The following FRAS1 variants were observed in gnomAD, a reference collection of about 807,000 sequenced individuals.
FRAS1 encodes the protein extracellular matrix organizing protein FRAS1.
FRAS1 carries 290 observed loss-of-function variants against 435.2 expected under a neutral mutation model. The ratio of observed to expected loss-of-function variants is 0.67; its 90% CI spans 0.61 to 0.73. FRAS1 has a LOEUF of 0.73. Ranked by LOEUF, FRAS1 falls within the 30% of genes least tolerant of loss-of-function variation. The pLI is 0.00. For synonymous variants in FRAS1, 1,800 were observed against 1,851.0 expected (o/e 0.97, Z 0.71); for missense variants, 4,860 against 5,001.5 (o/e 0.97, Z 0.85).
chr4:78,216,616 T>C lies in FRAS1; in HGVS notation c.109-20894T>C, dbSNP rs1330274356. ...CACAGATATCTGCAGTTGTGGGCCC[T>C]GGCAGTTCAGCAGTAAACCGTTCTT... is the stretch of plus-strand genomic sequence containing the variant. On this transcript the variant is annotated intron_variant, in intron 2 of 73. Transcript: ENST00000512123. Among the ~76,000 whole-genome samples, 3 of 152,314 alleles carry C rather than the reference T, an allele frequency of 2.0e-5. No individual in the cohort carries two copies. The East Asian group carries it at 5.8e-4, about 29-fold the overall frequency.
chr4:78,421,739 A>T, intron 33 of FRAS1, 124 bp from the exon 34 acceptor site: 2 of 1,115,332 alleles, frequency 1.8e-6, no homozygotes, highest in Non-Finnish European at 2.6e-6. Context: ...GAGCAACCTG[A>T]GAACAGTCAG....
rs1213920498 is a variant in FRAS1 at position 78,114,346 on chromosome 4, G to GT, written c.108+48336dup. On this transcript the variant is annotated intron_variant, in intron 2 of 73. Coordinates refer to ENST00000512123, the MANE Select transcript of FRAS1 (RefSeq NM_025074.7). ...TTGGTTCCATATGAACTTTAAAGTA[G>GT]TTTTTTCCAATTCTGTGAAGAAAGT... Among the ~76,000 whole-genome samples, 6 of 152,310 alleles carry GT rather than the reference G, an allele frequency of 3.9e-5. No individual in the cohort carries two copies. In the East Asian group the frequency reaches 9.6e-4, roughly 24 times the overall value.
chr4:78,061,682 T>C (rs1272971804), intron 1 of FRAS1, among the ~76,000 whole-genome samples: 6 of 152,186 alleles, frequency 3.9e-5, no homozygotes, highest in Non-Finnish European at 7.3e-5. Flanking sequence ...TAACTCAATG[T>C]TGGGAAGAGA....
At chr4:78,298,731 C>T (rs577376159) in intron 14 of FRAS1, among the ~76,000 whole-genome samples, 2 of 152,284 alleles carry the variant, frequency 1.3e-5, no homozygotes, top group Non-Finnish European at 2.9e-5. Context: ...ATGAATTCCC[C>T]ATAACCCATT....
rs6847377 is a variant in FRAS1 at position 78,266,562 on chromosome 4, A to G, written c.688-272A>G. Among the ~76,000 whole-genome samples, 143,806 of 152,128 alleles carry G rather than the reference A, an allele frequency of 0.95. 68,372 individuals are homozygous for G. The highest frequency in any genetic ancestry group is 1 in the Non-Finnish European group (67,836 of 68,028). On this transcript the variant is annotated intron_variant, in intron 7 of 73. Transcript: ENST00000512123. ...CAACAAGGTCTTTCTACCCATCTCA[A>G]TGTCTCGGGTCTCTATGTGCCTGGC...
chr4:78,512,492 G>C (rs753543337), intron 64 of FRAS1, among the ~76,000 whole-genome samples: 1 of 145,514 alleles, frequency 6.9e-6, no homozygotes, highest in South Asian at 2.3e-4. Flanking sequence ...CAGTAAACAC[G>C]CTCAAAGTTT....
At chr4:78,536,563 G>T (rs1343313854) in intron 71 of FRAS1, among the ~76,000 whole-genome samples, 1 of 152,078 alleles carries the variant, frequency 6.6e-6, no homozygotes, top group Admixed American at 6.5e-5. Context: ...GCAAAATTGT[G>T]AGCACTCCAT....
chr4:78,347,460 T>G (rs1303104759), intron 20 of FRAS1, among the ~76,000 whole-genome samples: 2 of 152,194 alleles, frequency 1.3e-5, no homozygotes, highest in African/African-American at 4.8e-5. Context: ...GCCTTCCCAT[T>G]GCCCATTGCA....
At chr4:78,445,433 TGCCGAAAA>T in intron 41 of FRAS1, 81 bp from the exon 42 acceptor site, 1 of 1,425,010 alleles carries the variant, frequency 7.0e-7, no homozygotes, top group Middle Eastern at 1.9e-4. Flanking sequence ...TCTTTTTTTT[TGCCGAAAA>T]TGATACCTTG....
intron 23 of FRAS1, among the ~76,000 whole-genome samples, chr4:78,371,869 A>T (rs1393005203): frequency 6.6e-6 from 1 of 152,200 alleles, no homozygotes; most frequent in Non-Finnish European, 1.5e-5. Flanking sequence ...CAGCAGCAAC[A>T]TGTTTTCCTG....
intron 66 of FRAS1, among the ~76,000 whole-genome samples, chr4:78,516,676 C>T (rs1721224753): frequency 1.3e-5 from 2 of 152,138 alleles, no homozygotes; most frequent in Admixed American, 6.5e-5. Context: ...AACTTATAAT[C>T]ATAGTGAAAG....
chr4:78,315,829 G>A (rs1729223733), intron 16 of FRAS1, 95 bp downstream of exon 16: 1 of 1,320,234 alleles, frequency 7.6e-7, no homozygotes, highest in South Asian at 1.3e-5. Context: ...GAACTCGAGT[G>A]TATGATGGGA....
chr4:78,116,265 T>C (rs1014104792), intron 2 of FRAS1, among the ~76,000 whole-genome samples: 2 of 152,192 alleles, frequency 1.3e-5, no homozygotes, highest in Admixed American at 6.5e-5. Context: ...TAGTCAATTT[T>C]GGAATAGGTG....
At chr4:78,304,598 G>C (rs1266955432) in intron 14 of FRAS1, among the ~76,000 whole-genome samples, 1 of 151,902 alleles carries the variant, frequency 6.6e-6, no homozygotes, top group Non-Finnish European at 1.5e-5. Flanking sequence ...TCTTGGGAGA[G>C]TGTATGTGTC....
intron 2 of FRAS1, among the ~76,000 whole-genome samples, chr4:78,123,545 T>G (rs890230544): frequency 6.6e-6 from 1 of 152,224 alleles, no homozygotes; most frequent in Non-Finnish European, 1.5e-5. Flanking sequence ...GGAATAGCAT[T>G]GAATACATAA....
At chr4:78,421,743 C>A in intron 33 of FRAS1, 120 bp from the exon 34 acceptor site, 1 of 1,140,412 alleles carries the variant, frequency 8.8e-7, no homozygotes, top group Non-Finnish European at 1.3e-6. Flanking sequence ...AACCTGAGAA[C>A]AGTCAGTTTC....
chr4:78,137,149 C>T (rs1215314664), intron 2 of FRAS1, among the ~76,000 whole-genome samples: 1 of 152,194 alleles, frequency 6.6e-6, no homozygotes, highest in Admixed American at 6.5e-5. Context: ...CAGGGCTGGG[C>T]AATACTTACA....
chr4:78,420,589 T>TTAGTTCTATACCTGAAA (rs1262339009), intron 33 of FRAS1, among the ~76,000 whole-genome samples: 23 of 106,064 alleles, frequency 2.2e-4, no homozygotes, highest in Non-Finnish European at 3.0e-4. Flanking sequence ...GTTCTTAGAA[T>TTAGTTCTATACCTGAAA]AATCAAGACC....
At chr4:78,378,999 G>A (rs534808363) in intron 26 of FRAS1, among the ~76,000 whole-genome samples, 50 of 152,186 alleles carry the variant, frequency 3.3e-4, no homozygotes, top group Middle Eastern at 3.4e-3. Flanking sequence ...ATAGTTTAAC[G>A]ATTACATTGA....
Sources: allele counts gnomAD v4.1 joint callset (sites outside exome capture counted in the v4.1 genomes callset), GRCh38; gene constraint gnomAD v4.1.1; transcripts MANE v1.5; gene names NCBI Gene and HGNC (gene_info 2026-07-23, HGNC 2026-07-21).